CAMLG: variants seen among roughly 807,000 people sequenced by gnomAD.
The protein encoded by CAMLG is calcium modulating ligand, also known as guided entry of tail-anchored proteins factor CAMLG.
CAMLG carries 23 observed loss-of-function variants against 28.9 expected under a neutral mutation model. That is an observed-to-expected ratio of 0.80 (90% CI 0.57 to 1.13). CAMLG has a LOEUF of 1.13. CAMLG is among the 50% of genes most tolerant of loss of function. The probability of loss-of-function intolerance (pLI) is 0.00; values close to 1 mark genes in which losing one functional copy is unlikely to be tolerated. For synonymous variants in CAMLG, 141 were observed against 146.5 expected, an observed-to-expected ratio of 0.96 and a Z score of 0.27; for missense variants, 367 against 371.9, an observed-to-expected ratio of 0.99 and a Z score of 0.11.
Position 134,738,790 on chromosome 5 carries a change from C to T in CAMLG, c.170C>T (p.Ala57Val). The change falls in exon 1 of 4, where the codon GCG (alanine) becomes GTG (valine). Residue 57 changes from alanine to valine, a missense_variant and splice_region_variant. Transcript: ENST00000297156. The stretch of plus-strand genomic sequence containing the variant: ...GGCTTTCACAGGCCCGGGAGCGGCG[C>T]GGGTAAGAGCCTCGATTTCCCCTCA... ...IMGFHRPGSG[A>V]EEESQTKSKQ... is the part of the protein sequence containing the mutation. 4 of 1,613,938 alleles carry T rather than the reference C, an allele frequency of 2.5e-6. No homozygotes were observed. The highest frequency in any genetic ancestry group is 3.4e-6 in the Non-Finnish European group (4 of 1,179,938).
Position 134,741,199 on chromosome 5 carries a change from C to T in CAMLG, c.309C>T (p.Ala103=), listed in dbSNP as rs528276022. Residue 103 remains alanine (A), a synonymous_variant, in exon 2 of 4, where the codon GCC becomes GCT. Coordinates refer to ENST00000297156, the MANE Select transcript of CAMLG (RefSeq NM_001745.4). ...CAACTGACCAGCAGGGTGGTGTGGC[C>T]GAGGTAAAGGGGACCCAACTGGGAG... The part of the protein sequence containing the change: ...TGTTDQQGGV[A]EVKGTQLGDK... The T allele has an allele frequency of 8.1e-6, 13 of 1,614,070 alleles. No homozygotes were observed. Among genetic ancestry groups the T allele is most frequent in the South Asian group, 3.3e-5 (3 of 91,078 alleles).
chr5:134,741,035 C>T (rs1241054654), intron 1 of CAMLG, 28 bp from the exon 2 acceptor site: 1 of 1,508,790 alleles, frequency 6.6e-7, no homozygotes. Context: ...GGAATAAATA[C>T]ATAAGGCTTT....
Position 134,750,927 on chromosome 5 carries a change from T to C in CAMLG, c.868T>C (p.Tyr290His). The change falls in exon 4 of 4, where the codon TAT becomes CAT. Residue 290 changes from tyrosine (Y) to histidine (H), a missense_variant. Coordinates refer to ENST00000297156, the MANE Select transcript of CAMLG (RefSeq NM_001745.4). ...TATCTTTTGTCATGAACTGCTTGAT[T>C]ATTGGGGCTCTGAAGTACCATGAAG... ...TFIFCHELLD[Y>H]WGSEVP The C allele has an allele frequency of 6.2e-7, 1 of 1,613,636 alleles. No homozygotes were observed. Among genetic ancestry groups the C allele is most frequent in the East Asian group, 2.2e-5 (1 of 44,850 alleles).
In CAMLG at chr5:134,741,309, C is replaced by T; in HGVS notation, c.419C>T (p.Thr140Ile). The change falls in exon 2 of 4, where the codon ACA (threonine) becomes ATA (isoleucine). Residue 140 changes from threonine to isoleucine, a missense_variant. Thr to Ile is a moderately conservative substitution (Grantham distance 89, BLOSUM62 -1). Transcript: ENST00000297156. ...CGGCAGCGGAACAGAGGGGACCTGA[C>T]AGCGGACTCGGTCCAGAGGGGTTCC... is the stretch of plus-strand genomic sequence containing the variant. ...ELRQRNRGDLTADSVQRGSRH... is the reference protein window; with the variant it reads ...ELRQRNRGDLIADSVQRGSRH... 1 of 1,614,178 alleles carries T rather than the reference C, an allele frequency of 6.2e-7. No individual in the cohort carries two copies. Among genetic ancestry groups the T allele is most frequent in the Non-Finnish European group, 8.5e-7 (1 of 1,180,008 alleles).
chr5:134,740,066 G>A (rs1263963302), intron 1 of CAMLG, among the ~76,000 whole-genome samples: 2 of 151,962 alleles, frequency 1.3e-5, no homozygotes, highest in African/African-American at 2.4e-5. Context: ...TGTGTGTGTG[G>A]AGATGGGGGG....
chr5:134,745,739 C>T (rs1250115444), intron 3 of CAMLG, among the ~76,000 whole-genome samples: 2 of 147,362 alleles, frequency 1.4e-5, no homozygotes, highest in African/African-American at 2.5e-5. Context: ...GGCAACAGAG[C>T]GAGACTGTCT....
intron 3 of CAMLG, among the ~76,000 whole-genome samples, chr5:134,747,441 T>C (rs1362797912): frequency 6.6e-6 from 1 of 152,062 alleles, no homozygotes; most frequent in Non-Finnish European, 1.5e-5. Flanking sequence ...CCTTCCGGGT[T>C]CACACCATTC....
chr5:134,738,651 G>T lies in CAMLG; in HGVS notation c.31G>T (p.Gly11Trp). 1 of 1,612,664 alleles carries T rather than the reference G, an allele frequency of 6.2e-7. No individual in the cohort carries two copies. The highest frequency in any genetic ancestry group is 8.5e-7 in the Non-Finnish European group (1 of 1,179,576). Residue 11 changes from glycine to tryptophan, a missense_variant, in exon 1 of 4, where the codon GGG becomes TGG. Gly to Trp is a radical substitution (Grantham distance 184). Coordinates refer to ENST00000297156, the MANE Select transcript of CAMLG (RefSeq NM_001745.4). Reference sequence around the variant, plus strand: ...GTCGATGGCCGTCGCTACCGACGGCGGGGAGAGGCCGGGGGTCCCAGCGGG... The same window carrying T: ...GTCGATGGCCGTCGCTACCGACGGCTGGGAGAGGCCGGGGGTCCCAGCGGG... MESMAVATDG[G>W]ERPGVPAGSG...
chr5:134,748,052 C>T (rs1753072455), intron 3 of CAMLG, among the ~76,000 whole-genome samples: 1 of 151,768 alleles, frequency 6.6e-6, no homozygotes, highest in South Asian at 2.1e-4. Context: ...TCAGTAGAGA[C>T]GGGGTTTCAC....
chr5:134,738,978 C>T (rs569535141), intron 1 of CAMLG, among the ~76,000 whole-genome samples, 186 bp downstream of exon 1: 2 of 152,216 alleles, frequency 1.3e-5, no homozygotes, highest in Admixed American at 6.5e-5. Flanking sequence ...TTCCTAGTCG[C>T]TCCCCTCAAT....
chr5:134,746,244 A>G (rs994684212), intron 3 of CAMLG, among the ~76,000 whole-genome samples: 8 of 151,858 alleles, frequency 5.3e-5, no homozygotes, highest in African/African-American at 1.7e-4. Context: ...AAAAAAAAAC[A>G]AAATTCAGAA....
intron 1 of CAMLG, 70 bp downstream of exon 1, chr5:134,738,862 C>G: frequency 6.9e-7 from 1 of 1,446,468 alleles, no homozygotes; most frequent in South Asian, 1.2e-5. Context: ...CTTCCCTCTC[C>G]CACCTCCACT....
Position 134,740,960 on chromosome 5 carries a change from G to C in CAMLG, c.173-103G>C, listed in dbSNP as rs149562611. On this transcript the variant is annotated intron_variant, in intron 1 of 3. Transcript: ENST00000297156. The stretch of plus-strand genomic sequence containing the variant: ...CGGTATTTATTTATTTTGATGCAGA[G>C]GCTGCTGAGTTCTAGCTGCAACAGC... The C allele has an allele frequency of 7.5e-4, 551 of 735,018 alleles. 1 individual carries two copies. In the African/African-American group the frequency reaches 8.7e-3, roughly 12 times the overall value. 45.5% of individuals were successfully genotyped at this position (735,018 alleles called of 1,614,324 possible).
chr5:134,745,678 G>T (rs1005930848), intron 3 of CAMLG, among the ~76,000 whole-genome samples: 1 of 151,250 alleles, frequency 6.6e-6, no homozygotes, highest in African/African-American at 2.4e-5. Flanking sequence ...ACTTGAAACT[G>T]GGAGGTGGAG....
intron 3 of CAMLG, among the ~76,000 whole-genome samples, chr5:134,744,912 T>G (rs1381795857): frequency 6.6e-6 from 1 of 152,174 alleles, no homozygotes; most frequent in Non-Finnish European, 1.5e-5. Context: ...TTTATGAGGC[T>G]TGGCTTGCCT....
chr5:134,749,933 A>G (rs1753093725), intron 3 of CAMLG, among the ~76,000 whole-genome samples: 1 of 152,118 alleles, frequency 6.6e-6, no homozygotes, highest in African/African-American at 2.4e-5. Context: ...TTAAACTCCT[A>G]GGCTCAAGCC....
intron 2 of CAMLG, 46 bp from the exon 3 acceptor site, chr5:134,743,941 G>C: frequency 2.4e-6 from 2 of 829,852 alleles, no homozygotes; most frequent in Non-Finnish European, 4.0e-6. Context: ...ATTGTGATTT[G>C]AATGATTATG....
chr5:134,744,725 TTAAA>T (rs1220743115), intron 3 of CAMLG, among the ~76,000 whole-genome samples: 1 of 152,170 alleles, frequency 6.6e-6, no homozygotes, highest in African/African-American at 2.4e-5. Flanking sequence ...AGGAAATTAA[TTAAA>T]AAATGGATTT....
At chr5:134,749,435 A>G (rs1753087760) in intron 3 of CAMLG, among the ~76,000 whole-genome samples, 1 of 152,178 alleles carries the variant, frequency 6.6e-6, no homozygotes, top group African/African-American at 2.4e-5. Flanking sequence ...ATAAAGAAAA[A>G]TTCAGCTTTT....
Sources: allele counts gnomAD v4.1 joint callset (sites outside exome capture counted in the v4.1 genomes callset), GRCh38; gene constraint gnomAD v4.1.1; transcripts MANE v1.5; gene names NCBI Gene and HGNC (gene_info 2026-07-23, HGNC 2026-07-21).